ZNF799: variants seen among roughly 807,000 people sequenced by gnomAD.
ZNF799 encodes the protein zinc finger protein 14.
Under a neutral mutation model 41.0 loss-of-function variants are expected in ZNF799, and 28 were observed. That is an observed-to-expected ratio of 0.68 (90% CI 0.51 to 0.94). The LOEUF (loss-of-function observed/expected upper bound fraction) is 0.94. Among genes scored for constraint, ZNF799 ranks in the 40% least tolerant of loss-of-function variants. ZNF799 has a pLI of 0.00. For synonymous variants in ZNF799, 213 were observed against 252.9 expected, an observed-to-expected ratio of 0.84 and a Z score of 1.50; for missense variants, 716 against 764.3, an observed-to-expected ratio of 0.94 and a Z score of 0.74.
Position 12,392,137 on chromosome 19 carries a change from A to C in ZNF799, c.261T>G (p.Ile87Met), listed in dbSNP as rs1287285881. 6.2e-7 allele frequency: 1 copy of C among 1,613,350 alleles called. No individual in the cohort carries two copies. Among genetic ancestry groups the C allele is most frequent in the Non-Finnish European group, 8.5e-7 (1 of 1,179,554 alleles). ...TGTTCTTGGTCACAATACTATCTTG[A>C]ATCTGGCTAGATGTTTCTCCACATT... ...GTQCGETSSQ[I>M]QDSIVTKNTL... Residue 87 changes from isoleucine to methionine, a missense_variant, in exon 4 of 4, where the codon ATT becomes ATG. Around this residue, in one of 2 missense-constraint regions of ZNF799, gnomAD observed 698 missense variants for 713.6 expected, o/e 0.98. Coordinates refer to ENST00000430385, the MANE Select transcript of ZNF799 (RefSeq NM_001080821.3).
the ZNF799 span, among the ~76,000 whole-genome samples, chr19:12,414,744 A>G: frequency 9.2e-5 from 14 of 152,354 alleles, no homozygotes; most frequent in African/African-American, 3.1e-4. Flanking sequence ...AACATGAACT[A>G]GCTCAAAGCA....
At chr19:12,395,784 A>G (rs1214596462) in intron 1 of ZNF799, among the ~76,000 whole-genome samples, 1 of 152,258 alleles carries the variant, frequency 6.6e-6, no homozygotes, top group African/African-American at 2.4e-5. Flanking sequence ...AACATAAAGC[A>G]TAAGTAGAGT....
At chr19:12,407,482 A>AG in the ZNF799 span, among the ~76,000 whole-genome samples, 1 of 150,422 alleles carries the variant, frequency 6.6e-6, no homozygotes, top group East Asian at 1.9e-4. Flanking sequence ...AGAGAGAGAG[A>AG]GAGAAAAAAA....
At chr19:12,395,504 G>A (rs1356268192) in intron 1 of ZNF799, among the ~76,000 whole-genome samples, 7 of 152,156 alleles carry the variant, frequency 4.6e-5, no homozygotes, top group Non-Finnish European at 1.0e-4. Flanking sequence ...GGCAGGAACT[G>A]CATGAAAATG....
chr19:12,394,182 C>G (rs1018399174), intron 1 of ZNF799: 1 of 152,304 alleles, frequency 6.6e-6, no homozygotes, highest in African/African-American at 2.4e-5. Context: ...TCATGTCCTT[C>G]TGAGAAGAGT....
At chr19:12,399,983 ATTGC>A (rs1297423325) in intron 1 of ZNF799, among the ~76,000 whole-genome samples, 45 of 152,248 alleles carry the variant, frequency 3.0e-4, no homozygotes, top group African/African-American at 1.0e-3. Context: ...AAAGCCATAC[ATTGC>A]TAGCTGAAAA....
At chr19:12,401,569 CGA>C (rs142456121), upstream of ZNF799, among the ~76,000 whole-genome samples, 31,288 of 77,996 alleles carry the variant, frequency 0.4, 6,607 homozygotes, top group East Asian at 0.56. Flanking sequence ...TTTTTTTTTC[CGA>C]GAGAGAGAGA....
the ZNF799 span, among the ~76,000 whole-genome samples, chr19:12,413,626 C>G: frequency 6.6e-6 from 1 of 152,218 alleles, no homozygotes; most frequent in Non-Finnish European, 1.5e-5. Flanking sequence ...CACGGTCAGA[C>G]AGGTAATGTA....
At chr19:12,410,595 A>G in the ZNF799 span, among the ~76,000 whole-genome samples, 1 of 152,296 alleles carries the variant, frequency 6.6e-6, no homozygotes, top group African/African-American at 2.4e-5. Flanking sequence ...TAAATCACTC[A>G]GAGGAAAATT....
At chr19:12,392,977 T>G (rs1234431159) in intron 2 of ZNF799, among the ~76,000 whole-genome samples, 2 of 152,108 alleles carry the variant, frequency 1.3e-5, no homozygotes, top group African/African-American at 4.8e-5. Context: ...TTTCTCTTCC[T>G]TATGATTATC....
chr19:12,401,169 CTT>C lies in ZNF799; in HGVS notation c.-101_-100del. On this transcript the variant is annotated 5_prime_UTR_variant, in exon 1 of 4. Transcript: ENST00000430385. ...CTGCCACGGAACTTCCAGGTCGTCT[CTT>C]AGCTACAGAGCCGAGCACCGAGCGC... The C allele has an allele frequency of 6.2e-7, 1 of 1,605,066 alleles. No homozygotes were observed. Among genetic ancestry groups the C allele is most frequent in the Non-Finnish European group, 8.5e-7 (1 of 1,177,070 alleles).
rs1301566278 is a variant in ZNF799 at position 12,401,051 on chromosome 19, C to G, written c.3+17G>C. The G allele has an allele frequency of 1.2e-6, 2 of 1,613,886 alleles. No individual in the cohort carries two copies. Among genetic ancestry groups the G allele is most frequent in the South Asian group, 2.2e-5 (2 of 91,078 alleles). ...CAGCCCCTCCCCCGCCTCGGGACGC[C>G]GGCCCAGCACACGCACCATTTCCCG... On this transcript the variant is annotated intron_variant, in intron 1 of 3. Transcript: ENST00000430385.
chr19:12,404,851 C>T (rs796346051), upstream of ZNF799, among the ~76,000 whole-genome samples: 3 of 152,298 alleles, frequency 2.0e-5, no homozygotes, highest in African/African-American at 7.2e-5. Flanking sequence ...ATGGTTAATA[C>T]TGAGTGTCAA....
chr19:12,392,364 G>A (rs1454818194), intron 3 of ZNF799, among the ~76,000 whole-genome samples, 158 bp from the exon 4 acceptor site: 1 of 152,204 alleles, frequency 6.6e-6, no homozygotes, highest in South Asian at 2.1e-4. Flanking sequence ...AAGGTAACTC[G>A]ACCCAGGTGT....
chr19:12,404,096 A>ATG (rs1383784299), upstream of ZNF799, among the ~76,000 whole-genome samples: 2 of 152,112 alleles, frequency 1.3e-5, no homozygotes, highest in African/African-American at 4.8e-5. Context: ...AGTTTATTCC[A>ATG]TGTATTCTAT....
At chr19:12,394,705 G>A (rs1339550820) in intron 1 of ZNF799, 11 of 985,242 alleles carry the variant, frequency 1.1e-5, no homozygotes, top group African/African-American at 3.5e-5. Flanking sequence ...AAAGAACTCA[G>A]TGTCATCTCT....
chr19:12,401,737 G>A (rs1261854544), upstream of ZNF799, among the ~76,000 whole-genome samples: 1 of 151,286 alleles, frequency 6.6e-6, no homozygotes, highest in African/African-American at 2.4e-5. Context: ...ACCACACCCG[G>A]CTAATTTTTG....
the ZNF799 span, among the ~76,000 whole-genome samples, chr19:12,406,463 A>G: frequency 4.3e-4 from 65 of 149,946 alleles, no homozygotes; most frequent in African/African-American, 1.2e-3. Context: ...CAGCCTGGGC[A>G]ACAGAGTGAG....
In ZNF799 at chr19:12,390,883, C is replaced by T. The variant is rs753540928; in HGVS notation, c.1515G>A (p.Glu505=). Residue 505 remains glutamate, a synonymous_variant, in exon 4 of 4, where the codon GAG becomes GAA. Coordinates refer to ENST00000430385, the MANE Select transcript of ZNF799 (RefSeq NM_001080821.3). ...RRTHTGEKPY[E]CNTCKKAFSH... ...TGAAGGCTTTCTTACATGTGTTACA[C>T]TCATAAGGTTTCTCTCCTGTGTGAG... 8.7e-6 allele frequency: 14 copies of T among 1,613,894 alleles called. No homozygotes were observed. Among genetic ancestry groups the T allele is most frequent in the Admixed American group, 1.7e-5 (1 of 60,006 alleles).
Sources: allele counts gnomAD v4.1 joint callset (sites outside exome capture counted in the v4.1 genomes callset), GRCh38; gene constraint gnomAD v4.1.1; regional missense constraint gnomAD v4.1.1; transcripts MANE v1.5; gene names NCBI Gene and HGNC (gene_info 2026-07-23, HGNC 2026-07-21).